The following GALNT2 variants were observed in gnomAD, a reference collection of about 807,000 sequenced individuals.
GALNT2 encodes the protein polypeptide N-acetylgalactosaminyltransferase 2.
In GALNT2, 31 loss-of-function variants were observed where a neutral mutation model predicts 81.4. That is an observed-to-expected ratio of 0.38 (90% CI 0.29 to 0.51). The LOEUF (loss-of-function observed/expected upper bound fraction) is 0.51. Among genes scored for constraint, GALNT2 ranks in the 20% least tolerant of loss-of-function variants. The probability of loss-of-function intolerance (pLI) is 0.87; values close to 1 mark genes in which losing one functional copy is unlikely to be tolerated. For missense variants in GALNT2, 629 were observed against 765.7 expected, an observed-to-expected ratio of 0.82 and a Z score of 2.11; for synonymous variants, 303 against 287.4, an observed-to-expected ratio of 1.05 and a Z score of -0.55.
chr1:230,069,717 GGTTT>G (rs1188565015), intron 1 of GALNT2, among the ~76,000 whole-genome samples: 1 of 151,730 alleles, frequency 6.6e-6, no homozygotes, highest in Non-Finnish European at 1.5e-5. Flanking sequence ...AAAAAAATGT[GGTTT>G]GTTTGGCTTG....
At chr1:230,216,380 C>G (rs538156804) in intron 3 of GALNT2, among the ~76,000 whole-genome samples, 7 of 152,182 alleles carry the variant, frequency 4.6e-5, no homozygotes, top group African/African-American at 1.4e-4. Flanking sequence ...AAAGAAGCAG[C>G]ATTGTCAGTT....
chr1:230,093,032 C>T (rs541794789), intron 1 of GALNT2, among the ~76,000 whole-genome samples: 76 of 152,252 alleles, frequency 5.0e-4, no homozygotes, highest in African/African-American at 1.8e-3. Flanking sequence ...ATCTATAGGT[C>T]AAGAACCTGA....
At chr1:230,268,775 C>G (rs1215594888) in intron 14 of GALNT2, among the ~76,000 whole-genome samples, 1 of 152,202 alleles carries the variant, frequency 6.6e-6, no homozygotes, top group Non-Finnish European at 1.5e-5. Context: ...CTCAGGAGGA[C>G]AGCCTGTGTC....
At chr1:230,269,192 T>C (rs1179265681) in intron 14 of GALNT2, among the ~76,000 whole-genome samples, 1 of 149,918 alleles carries the variant, frequency 6.7e-6, no homozygotes, top group Non-Finnish European at 1.5e-5. Flanking sequence ...CCCAGGCTTT[T>C]TTTTTTTTTT....
intron 1 of GALNT2, among the ~76,000 whole-genome samples, chr1:230,124,115 A>T (rs553732357): frequency 6.6e-6 from 1 of 152,352 alleles, no homozygotes; most frequent in Admixed American, 6.5e-5. Context: ...TCAACTTTAA[A>T]AAGAAGTAAA....
chr1:230,120,809 A>G lies in GALNT2; in HGVS notation c.126+53403A>G, dbSNP rs6672605. Among the ~76,000 whole-genome samples, 576 of 152,262 alleles carry G rather than the reference A, an allele frequency of 3.8e-3. 3 individuals carry two copies. Among genetic ancestry groups the G allele is most frequent in the African/African-American group, 0.013 (558 of 41,536 alleles). ...TGACTGTGGCCCCAGGTCGTCACACATGGCCAGACACAGCTGAATCTCAGG... is the reference window on the plus strand; with the variant it reads ...TGACTGTGGCCCCAGGTCGTCACACGTGGCCAGACACAGCTGAATCTCAGG... On this transcript the variant is annotated intron_variant, in intron 1 of 15. Coordinates refer to ENST00000366672, the MANE Select transcript of GALNT2 (RefSeq NM_004481.5).
chr1:230,157,817 T>C (rs1400471741), intron 1 of GALNT2, among the ~76,000 whole-genome samples: 1 of 152,196 alleles, frequency 6.6e-6, no homozygotes, highest in Non-Finnish European at 1.5e-5. Context: ...TGCCAGGGGC[T>C]GGAGAAGAGA....
At chr1:230,155,919 A>G (rs1288875939) in intron 1 of GALNT2, among the ~76,000 whole-genome samples, 1 of 151,952 alleles carries the variant, frequency 6.6e-6, no homozygotes, top group Admixed American at 6.6e-5. Context: ...TGCCACATGG[A>G]GAGGGGAGGG....
chr1:230,211,298 A>T (rs1558142363), intron 3 of GALNT2, among the ~76,000 whole-genome samples: 1 of 152,196 alleles, frequency 6.6e-6, no homozygotes, highest in Non-Finnish European at 1.5e-5. Flanking sequence ...ATGGGAGGCC[A>T]CACGGGGTGT....
chr1:230,218,107 C>T lies in GALNT2; in HGVS notation c.374+14817C>T, dbSNP rs538704506. On this transcript the variant is annotated intron_variant, in intron 3 of 15. Coordinates refer to ENST00000366672, the MANE Select transcript of GALNT2 (RefSeq NM_004481.5). ...GGCCAGAAGCAGAGAAACCTGTTGC[C>T]GTGATCCAGCCAAGATGACAGTGGC... is the stretch of plus-strand genomic sequence containing the variant. 9.2e-5 allele frequency among the ~76,000 whole-genome samples: 14 copies of T among 152,280 alleles called. No homozygotes were observed. In the East Asian group the frequency reaches 1.2e-3, roughly 13 times the overall value.
chr1:230,232,157 C>T (rs948467253), intron 3 of GALNT2, among the ~76,000 whole-genome samples: 1 of 152,126 alleles, frequency 6.6e-6, no homozygotes, highest in African/African-American at 2.4e-5. Context: ...ACCTTCTTGG[C>T]TCAATGTGAG....
At chr1:230,063,556 T>C (rs1433062292), upstream of GALNT2, among the ~76,000 whole-genome samples, 1 of 152,214 alleles carries the variant, frequency 6.6e-6, no homozygotes, top group African/African-American at 2.4e-5. Flanking sequence ...GAAACTACAG[T>C]GACTTCAGAC....
chr1:230,236,143 G>T (rs760731354), intron 4 of GALNT2, 31 bp downstream of exon 4: 1 of 1,598,966 alleles, frequency 6.3e-7, no homozygotes, highest in Non-Finnish European at 8.6e-7. Flanking sequence ...ACCTGTCAGG[G>T]GTGTTAAGAC....
rs913341400 is a variant in GALNT2 at position 230,097,190 on chromosome 1, A to G, written c.126+29784A>G. On this transcript the variant is annotated intron_variant, in intron 1 of 15. Transcript: ENST00000366672. ...GAGCGGTTTGCTCAGGAGATAGAAT[A>G]TTTATCATACTGAGGTTCCCAGTTT... Among the ~76,000 whole-genome samples, 5 of 152,320 alleles carry G rather than the reference A, an allele frequency of 3.3e-5. No homozygotes were observed. In the East Asian group the frequency reaches 5.8e-4, roughly 18 times the overall value.
intron 3 of GALNT2, 68 bp downstream of exon 3, chr1:230,203,358 C>G (rs370781777): frequency 6.5e-7 from 1 of 1,530,808 alleles, no homozygotes; most frequent in African/African-American, 1.4e-5. Flanking sequence ...GTCGCTTTCA[C>G]CTGTGACACT....
chr1:230,167,261 T>C (rs939372064), intron 1 of GALNT2, among the ~76,000 whole-genome samples: 2 of 152,166 alleles, frequency 1.3e-5, no homozygotes, highest in Non-Finnish European at 1.5e-5. Flanking sequence ...TTCTCCTGCC[T>C]CAGCCTCCCA....
chr1:230,080,868 TA>T (rs764065657), intron 1 of GALNT2, among the ~76,000 whole-genome samples: 8 of 152,228 alleles, frequency 5.3e-5, no homozygotes, highest in Non-Finnish European at 8.8e-5. Context: ...ACATACATAG[TA>T]AGTGCTTAAA....
intron 1 of GALNT2, among the ~76,000 whole-genome samples, chr1:230,059,466 G>C (rs1034832018): frequency 2.0e-5 from 3 of 152,226 alleles, no homozygotes; most frequent in Non-Finnish European, 2.9e-5. Flanking sequence ...GTGTTTGAAA[G>C]TGTCTGTGGA....
intron 3 of GALNT2, among the ~76,000 whole-genome samples, chr1:230,223,570 G>A (rs1480422879): frequency 1.3e-5 from 2 of 151,928 alleles, no homozygotes; most frequent in Non-Finnish European, 2.9e-5. Context: ...CCAGGTTCAA[G>A]CGATTCTCTC....
Sources: gnomAD v4.1 joint callset for allele counts (sites outside exome capture counted in the v4.1 genomes callset) on GRCh38, gnomAD v4.1.1 for gene constraint, MANE v1.5 for transcripts, NCBI Gene and HGNC (gene_info 2026-07-23, HGNC 2026-07-21) for gene names.